Variants in RALGPS2 observed in about 807,000 individuals in gnomAD.
RALGPS2 encodes the protein Ral GEF with PH domain and SH3 binding motif 2.
In RALGPS2, 43 loss-of-function variants were observed where a neutral mutation model predicts 86.8. The ratio of observed to expected loss-of-function variants is 0.50; its 90% CI spans 0.39 to 0.64. RALGPS2 has a LOEUF of 0.64. Ranked by LOEUF, RALGPS2 falls within the 30% of genes least tolerant of loss-of-function variation. The pLI is 0.00. For missense variants in RALGPS2, 536 were observed against 694.6 expected (o/e 0.77, Z 2.57); for synonymous variants, 243 against 231.3 (o/e 1.05, Z -0.46).
intron 1 of RALGPS2, among the ~76,000 whole-genome samples, chr1:178,754,648 A>G (rs1651860142): frequency 6.6e-6 from 1 of 152,238 alleles, no homozygotes; most frequent in Non-Finnish European, 1.5e-5. Flanking sequence ...CCAGGTTTTT[A>G]TCTCATCCAG....
chr1:178,730,568 A>G (rs2102000343), intron 1 of RALGPS2, among the ~76,000 whole-genome samples: 1 of 146,160 alleles, frequency 6.8e-6, no homozygotes, highest in African/African-American at 2.7e-5. Flanking sequence ...TTGACCCTTC[A>G]GTTTTAAAAA....
chr1:178,750,051 C>T (rs943401591), intron 1 of RALGPS2, among the ~76,000 whole-genome samples: 2 of 152,156 alleles, frequency 1.3e-5, no homozygotes, highest in Non-Finnish European at 2.9e-5. Context: ...GTTGAGGTTA[C>T]AGTGAGCCAG....
At chr1:178,798,919 G>A (rs1654331140) in intron 4 of RALGPS2, among the ~76,000 whole-genome samples, 1 of 152,134 alleles carries the variant, frequency 6.6e-6, no homozygotes, top group African/African-American at 2.4e-5. Context: ...AAGAAGTTTT[G>A]CTTAAAAATT....
At position 178,792,936 on chromosome 1, in the gene RALGPS2, C is replaced by T. The variant is rs147652184; in HGVS notation, c.213+7329C>T. Among the ~76,000 whole-genome samples the T allele has an allele frequency of 6.1e-3, 930 of 152,248 alleles. 10 individuals carry two copies. The highest frequency in any genetic ancestry group is 0.021 in the African/African-American group (885 of 41,544). ...TTCACACAGTTGCTCTCTCACTTTC[C>T]GTCTTTTCTTTTTTAGTTTAAAGCA... On this transcript the variant is annotated intron_variant, in intron 4 of 19. Transcript: ENST00000367635.
intron 1 of RALGPS2, among the ~76,000 whole-genome samples, chr1:178,776,298 C>T (rs746079030): frequency 5.3e-5 from 8 of 152,128 alleles, no homozygotes; most frequent in Non-Finnish European, 1.0e-4. Context: ...TGTTGATTTA[C>T]AGGTGTCATT....
intron 16 of RALGPS2, among the ~76,000 whole-genome samples, chr1:178,896,571 A>G (rs1463203954): frequency 1.4e-5 from 2 of 147,876 alleles, no homozygotes; most frequent in Non-Finnish European, 3.0e-5. Flanking sequence ...GCACCCACTA[A>G]CTCGTCATCT....
intron 8 of RALGPS2, chr1:178,849,917 A>G (rs1007948584): frequency 6.6e-6 from 1 of 152,262 alleles, no homozygotes; most frequent in Non-Finnish European, 1.5e-5. Context: ...TAAAATTTTA[A>G]CTTCACAAAT....
rs61758794 is a variant in RALGPS2, at chr1:178,885,195, C to T, written c.1024C>T (p.His342Tyr). Residue 342 changes from histidine to tyrosine, a missense_variant, in exon 12 of 20, where the codon CAT becomes TAT. Physicochemically the swap from His to Tyr is moderately conservative, Grantham distance 83. Transcript: ENST00000367635. ...GATTCCACATGGACATAGGAAGTGCCATAGTTTGGGTTATAAGTCAGCATT... is the reference window on the plus strand; with the variant it reads ...GATTCCACATGGACATAGGAAGTGCTATAGTTTGGGTTATAAGTCAGCATT... ...NLIPHGHRKC[H>Y]SLGYNFIHKM... 8.2e-3 allele frequency: 13,255 copies of T among 1,612,888 alleles called. 83 individuals are homozygous for T. Among genetic ancestry groups the T allele is most frequent in the Non-Finnish European group, 9.8e-3 (11,566 of 1,179,584 alleles).
At chr1:178,779,308 T>G (rs574226163) in intron 2 of RALGPS2, among the ~76,000 whole-genome samples, 1 of 152,314 alleles carries the variant, frequency 6.6e-6, no homozygotes, top group Non-Finnish European at 1.5e-5. Flanking sequence ...TCTAGGGAAC[T>G]TGCCTGCTTT....
chr1:178,834,604 C>G (rs904741392), intron 8 of RALGPS2, among the ~76,000 whole-genome samples: 4 of 152,192 alleles, frequency 2.6e-5, no homozygotes, highest in African/African-American at 9.7e-5. Flanking sequence ...CCCCTAAGCA[C>G]AGTAGAGTTA....
chr1:178,835,117 A>G (rs1656211132), intron 8 of RALGPS2, among the ~76,000 whole-genome samples: 1 of 152,190 alleles, frequency 6.6e-6, no homozygotes, highest in Non-Finnish European at 1.5e-5. Flanking sequence ...CTGTGCCCAT[A>G]CTTGCAAATA....
chr1:178,824,964 CTTTAG>C (rs1655685606), intron 7 of RALGPS2, among the ~76,000 whole-genome samples: 2 of 151,996 alleles, frequency 1.3e-5, no homozygotes, highest in African/African-American at 4.8e-5. Flanking sequence ...AAAGCAAGGT[CTTTAG>C]TTAAGGTGGT....
Position 178,916,046 on chromosome 1 carries a change from G to A in RALGPS2, c.1723-284G>A, listed in dbSNP as rs78248798. Among the ~76,000 whole-genome samples the A allele has an allele frequency of 7.9e-5, 12 of 152,232 alleles. No homozygotes were observed. In the East Asian group the frequency reaches 1.4e-3, roughly 17 times the overall value. On this transcript the variant is annotated intron_variant, in intron 19 of 19. Transcript: ENST00000367635. ...GCTCTCATTTATTCATTCAGTAAAC[G>A]TCTACTGAGCCCCCTGTGTTAGACA... is the stretch of plus-strand genomic sequence containing the variant.
intron 4 of RALGPS2, among the ~76,000 whole-genome samples, chr1:178,786,286 A>G (rs1653645720): frequency 6.6e-6 from 1 of 152,062 alleles, no homozygotes; most frequent in African/African-American, 2.4e-5. Flanking sequence ...GGGAAGTTGA[A>G]TGATTTACCT....
chr1:178,904,560 C>G (rs1660314034), intron 18 of RALGPS2, among the ~76,000 whole-genome samples: 1 of 152,120 alleles, frequency 6.6e-6, no homozygotes, highest in Non-Finnish European at 1.5e-5. Flanking sequence ...GTTTCATTCT[C>G]CTACATGCGG....
chr1:178,888,977 C>T (rs1216862591), intron 13 of RALGPS2, among the ~76,000 whole-genome samples: 1 of 152,080 alleles, frequency 6.6e-6, no homozygotes, highest in Non-Finnish European at 1.5e-5. Flanking sequence ...TTTAAAGTAA[C>T]ATTTAAGTAA....
rs971938793 is a variant in RALGPS2, at chr1:178,921,791, T to C, written c.*5432T>C. The C allele has an allele frequency of 2.2e-4, 33 of 152,242 alleles. 1 individual carries two copies. The highest frequency in any genetic ancestry group is 1.8e-3 in the Admixed American group (28 of 15,286). 9.4% of individuals were successfully genotyped at this position (152,242 alleles called of 1,614,324 possible). A position where few individuals can be genotyped will look rare whatever the true frequency, so the allele number is the denominator to read the frequency against. On this transcript the variant is annotated 3_prime_UTR_variant, in exon 20 of 20. Coordinates refer to ENST00000367635, the MANE Select transcript of RALGPS2 (RefSeq NM_152663.5). Reference sequence around the variant, plus strand: ...TGCATAAGCTAACTTAAGATGAATTTAAGTACAGTTTTCTGAAATATTTCT... The same window carrying C: ...TGCATAAGCTAACTTAAGATGAATTCAAGTACAGTTTTCTGAAATATTTCT...
At chr1:178,766,061 A>G (rs1033008960) in intron 1 of RALGPS2, among the ~76,000 whole-genome samples, 1 of 152,218 alleles carries the variant, frequency 6.6e-6, no homozygotes, top group Non-Finnish European at 1.5e-5. Context: ...TAAAGTAAAG[A>G]CAGGCATAGG....
chr1:178,813,576 GAGAT>G (rs1369650234), intron 6 of RALGPS2, among the ~76,000 whole-genome samples: 7 of 152,118 alleles, frequency 4.6e-5, no homozygotes, highest in South Asian at 2.1e-4. Flanking sequence ...ATTCTCCAGA[GAGAT>G]AGAACCGTAG....
Sources: gnomAD v4.1 joint callset for allele counts (sites outside exome capture counted in the v4.1 genomes callset) on GRCh38, gnomAD v4.1.1 for gene constraint, MANE v1.5 for transcripts, NCBI Gene and HGNC (gene_info 2026-07-23, HGNC 2026-07-21) for gene names.